Variants in SNRPC observed in about 807,000 individuals in gnomAD.
SNRPC encodes small nuclear ribonucleoprotein polypeptide C.
SNRPC carries 5 observed loss-of-function variants against 20.0 expected under a neutral mutation model. That is an observed-to-expected ratio of 0.25 (90% CI 0.13 to 0.53). SNRPC has a LOEUF of 0.53. Among genes scored for constraint, SNRPC ranks in the 20% least tolerant of loss-of-function variants. The probability of loss-of-function intolerance (pLI) is 0.96; values close to 1 mark genes in which losing one functional copy is unlikely to be tolerated. For missense variants in SNRPC, 112 were observed against 224.1 expected (o/e 0.50, Z 3.19); for synonymous variants, 61 against 58.7 (o/e 1.04, Z -0.18).
chr6:34,763,272 G>A (rs1764560964), intron 3 of SNRPC, among the ~76,000 whole-genome samples: 2 of 152,284 alleles, frequency 1.3e-5, no homozygotes, highest in African/African-American at 4.8e-5. Context: ...ACTAACAGAA[G>A]GAGATATTGC....
chr6:34,764,847 C>T (rs1374048291), intron 3 of SNRPC, among the ~76,000 whole-genome samples: 1 of 151,616 alleles, frequency 6.6e-6, no homozygotes, highest in East Asian at 1.9e-4. Context: ...CATCGAGAAA[C>T]CGTGTCTCTA....
Position 34,762,694 on chromosome 6 carries a change from G to T in SNRPC, c.151G>T (p.Asp51Tyr). The change falls in exon 3 of 6, where the codon GAC (aspartate) becomes TAC (tyrosine). Residue 51 changes from aspartate to tyrosine, a missense_variant. Asp to Tyr is a radical substitution (Grantham distance 160). Around this residue, in one of 3 missense-constraint regions of SNRPC, gnomAD observed 45 missense variants for 48.6 expected, o/e 0.93. Transcript: ENST00000244520. ...WMEEQAQSLIDKTTAAFQQGK... is the reference protein window; with the variant it reads ...WMEEQAQSLIYKTTAAFQQGK... ...GGAAGAGCAGGCTCAGAGCCTGATTGACAAAACAAGTATGTTTCAATCTCT... is the reference window on the plus strand; with the variant it reads ...GGAAGAGCAGGCTCAGAGCCTGATTTACAAAACAAGTATGTTTCAATCTCT... 3 of 1,498,314 alleles carry T rather than the reference G, an allele frequency of 2.0e-6. No individual in the cohort carries two copies. Among genetic ancestry groups the T allele is most frequent in the South Asian group, 2.3e-5 (2 of 88,460 alleles). 92.8% of individuals were successfully genotyped at this position (1,498,314 alleles called of 1,614,324 possible). A position where few individuals can be genotyped will look rare whatever the true frequency, so the allele number is the denominator to read the frequency against.
In SNRPC at chr6:34,770,331, G is replaced by T. The variant is rs754419821; in HGVS notation, c.291G>T (p.Met97Ile). ...PRPGMMPAPH[M>I]GGPPMMPMMG... Reference sequence around the variant, plus strand: ...CTGGTATGATGCCAGCACCCCATATGGGGGGCCCTCCCATGATGCCAATGA... The same window carrying T: ...CTGGTATGATGCCAGCACCCCATATTGGGGGCCCTCCCATGATGCCAATGA... Residue 97 changes from methionine (M) to isoleucine (I), a missense_variant, in exon 5 of 6, where the codon ATG becomes ATT. Around this residue, in one of 3 missense-constraint regions of SNRPC, gnomAD observed 57 missense variants for 121.0 expected, o/e 0.47. Coordinates refer to ENST00000244520, the MANE Select transcript of SNRPC (RefSeq NM_003093.3). The T allele has an allele frequency of 6.2e-6, 10 of 1,613,194 alleles. No homozygotes were observed. The highest frequency in any genetic ancestry group is 8.5e-6 in the Non-Finnish European group (10 of 1,179,300).
At position 34,767,941 on chromosome 6, in the gene SNRPC, C is replaced by A. The variant is rs1196506559; in HGVS notation, c.194C>A (p.Thr65Asn). 6.2e-7 allele frequency: 1 copy of A among 1,605,912 alleles called. No homozygotes were observed. Among genetic ancestry groups the A allele is most frequent in the Non-Finnish European group, 8.5e-7 (1 of 1,176,072 alleles). ...AAFQQGKIPP[T>N]PFSAPPPAGA... The stretch of plus-strand genomic sequence containing the variant: ...TTTCAACAAGGAAAGATACCTCCTA[C>A]TCCATTCTCTGCTCCTCCTCCTGCA... Residue 65 changes from threonine to asparagine, a missense_variant, in exon 4 of 6, where the codon ACT becomes AAT. Around this residue, in one of 3 missense-constraint regions of SNRPC, gnomAD observed 45 missense variants for 48.6 expected, o/e 0.93. Coordinates refer to ENST00000244520, the MANE Select transcript of SNRPC (RefSeq NM_003093.3).
At chr6:34,771,328 C>CAAAA (rs774284128) in intron 5 of SNRPC, among the ~76,000 whole-genome samples, 1 of 63,800 alleles carries the variant, frequency 1.6e-5, no homozygotes, top group Non-Finnish European at 3.6e-5. Context: ...GACTGTGTCT[C>CAAAA]AAAAAAAAAA....
Position 34,767,896 on chromosome 6 carries a change from C to CA in SNRPC, c.161-11dup. 1.4e-6 allele frequency: 2 copies of CA among 1,394,620 alleles called. No individual in the cohort carries two copies. The highest frequency in any genetic ancestry group is 1.8e-6 in the Non-Finnish European group (2 of 1,081,766). The allele number at this position is 1,394,620 out of a possible 1,614,324, so 86.4% of individuals were successfully genotyped here. A position where few individuals can be genotyped will look rare whatever the true frequency, so the allele number is the denominator to read the frequency against. ...TCATCTTTTTTTTTTTTTTTTTCCTCACCCTCCAAAGCGGCTGCATTTCAA... is the reference window on the plus strand; with the variant it reads ...TCATCTTTTTTTTTTTTTTTTTCCTCAACCCTCCAAAGCGGCTGCATTTCAA... On this transcript the variant is annotated splice_polypyrimidine_tract_variant and intron_variant, in intron 3 of 5. Coordinates refer to ENST00000244520, the MANE Select transcript of SNRPC (RefSeq NM_003093.3).
In SNRPC at chr6:34,767,807, A is replaced by C. The variant is rs1581592327; in HGVS notation, c.161-101A>C. 5 of 1,189,590 alleles carry C rather than the reference A, an allele frequency of 4.2e-6. No individual in the cohort carries two copies. In the South Asian group the frequency reaches 9.4e-5, roughly 22 times the overall value. 73.7% of individuals were successfully genotyped at this position (1,189,590 alleles called of 1,614,324 possible). On this transcript the variant is annotated intron_variant, in intron 3 of 5. Transcript: ENST00000244520. Reference sequence around the variant, plus strand: ...AGATGACAACTAGCAAGAGTAAAGTAATTGGAACCGTTGAAGACTTAAAGA... The same window carrying C: ...AGATGACAACTAGCAAGAGTAAAGTCATTGGAACCGTTGAAGACTTAAAGA...
intron 5 of SNRPC, among the ~76,000 whole-genome samples, chr6:34,771,303 TG>T (rs1274647745): frequency 1.5e-5 from 2 of 135,298 alleles, no homozygotes; most frequent in Non-Finnish European, 3.0e-5. Context: ...CACTCCAGCC[TG>T]GGTGACAGAG....
chr6:34,762,121 T>C (rs762051342), intron 2 of SNRPC, among the ~76,000 whole-genome samples: 3 of 152,070 alleles, frequency 2.0e-5, no homozygotes, highest in Non-Finnish European at 2.9e-5. Flanking sequence ...ATGGGCAACA[T>C]TGTGAGACGT....
At chr6:34,765,691 G>A (rs922498117) in intron 3 of SNRPC, among the ~76,000 whole-genome samples, 1 of 151,860 alleles carries the variant, frequency 6.6e-6, no homozygotes, top group Non-Finnish European at 1.5e-5. Context: ...ACCTGCTTCA[G>A]CCTCCCAAAG....
At chr6:34,761,606 C>T (rs908155235) in intron 2 of SNRPC, among the ~76,000 whole-genome samples, 4 of 148,760 alleles carry the variant, frequency 2.7e-5, no homozygotes, top group Non-Finnish European at 4.5e-5. Context: ...CTGCAAGCTC[C>T]GCCTCCTGGG....
chr6:34,773,686 G>C lies in SNRPC; in HGVS notation c.*116G>C. ...CAGCATAAGGAAGACTTGCTCCCCT[G>C]TCCTATGAAAGAGAATAGTTTTGGA... On this transcript the variant is annotated 3_prime_UTR_variant, in exon 6 of 6. Transcript: ENST00000244520. This position sits in a 1 kb window ranked among gnomAD's most constrained non-coding sequence, Gnocchi z 4.1. 1.2e-6 allele frequency: 1 copy of C among 855,160 alleles called. No homozygotes were observed. The highest frequency in any genetic ancestry group is 2.3e-5 in the South Asian group (1 of 43,618). The allele number at this position is 855,160 out of a possible 1,614,324, so 53.0% of individuals were successfully genotyped here. A position where few individuals can be genotyped will look rare whatever the true frequency, so the allele number is the denominator to read the frequency against.
At chr6:34,768,171 T>G in intron 4 of SNRPC, among the ~76,000 whole-genome samples, 174 bp downstream of exon 4, 1 of 152,156 alleles carries the variant, frequency 6.6e-6, no homozygotes, top group East Asian at 1.9e-4. Flanking sequence ...GAAAACAACT[T>G]TAGTGGTATA....
intron 4 of SNRPC, among the ~76,000 whole-genome samples, chr6:34,768,904 A>G (rs1764650918): frequency 6.6e-6 from 1 of 152,122 alleles, no homozygotes; most frequent in Non-Finnish European, 1.5e-5. Flanking sequence ...GTCGTACTGT[A>G]CTGTAGCTCT....
intron 3 of SNRPC, among the ~76,000 whole-genome samples, chr6:34,765,015 T>TG (rs1298314875): frequency 2.0e-5 from 3 of 151,890 alleles, no homozygotes; most frequent in Admixed American, 2.0e-4. Context: ...AGCGAGACTC[T>TG]GTCTGAAAAA....
At chr6:34,771,536 ATC>A (rs1275948804) in intron 5 of SNRPC, among the ~76,000 whole-genome samples, 1 of 152,128 alleles carries the variant, frequency 6.6e-6, no homozygotes, top group African/African-American at 2.4e-5. Context: ...GTGATAGTTT[ATC>A]TGAGTCTTCC....
In SNRPC at chr6:34,757,565, C is replaced by T. The variant is rs201535686; in HGVS notation, c.8+14C>T. The T allele has an allele frequency of 3.1e-6, 5 of 1,612,378 alleles. No individual in the cohort carries two copies. Among genetic ancestry groups the T allele is most frequent in the Non-Finnish European group, 4.2e-6 (5 of 1,178,510 alleles). ...CAACATGCCCAAGTGAGTGGGGCCC[C>T]GAAATCTGAGGGTGATCGTAGTCAC... On this transcript the variant is annotated intron_variant, in intron 1 of 5. Coordinates refer to ENST00000244520, the MANE Select transcript of SNRPC (RefSeq NM_003093.3).
Position 34,759,040 on chromosome 6 carries a change from A to G in SNRPC, c.51+1086A>G, listed in dbSNP as rs935045834. ...GTCTCAAAAAAAAAAAAAAAAAAAA[A>G]AAAAAGAAAAGAAAACCCACGTTAA... is the stretch of plus-strand genomic sequence containing the variant. On this transcript the variant is annotated intron_variant, in intron 2 of 5. Coordinates refer to ENST00000244520, the MANE Select transcript of SNRPC (RefSeq NM_003093.3). Among the ~76,000 whole-genome samples, 25 of 150,626 alleles carry G rather than the reference A, an allele frequency of 1.7e-4. No individual in the cohort carries two copies. In the East Asian group the frequency reaches 4.6e-3, roughly 28 times the overall value.
At position 34,766,467 on chromosome 6, in the gene SNRPC, A is replaced by T. The variant is rs554610930; in HGVS notation, c.161-1441A>T. Among the ~76,000 whole-genome samples, 335 of 152,286 alleles carry T rather than the reference A, an allele frequency of 2.2e-3. 1 individual carries two copies. Among genetic ancestry groups the T allele is most frequent in the African/African-American group, 7.0e-3 (291 of 41,586 alleles). On this transcript the variant is annotated intron_variant, in intron 3 of 5. Coordinates refer to ENST00000244520, the MANE Select transcript of SNRPC (RefSeq NM_003093.3). ...TCCTGCCTCAGCCTCCCAAAGTGCT[A>T]GGATTACAGGCAGGAGCCACTGCAC...
Sources: gnomAD v4.1 joint callset for allele counts (sites outside exome capture counted in the v4.1 genomes callset) on GRCh38, gnomAD v4.1.1 for gene constraint, gnomAD v4.1.1 regional missense constraint, Gnocchi (gnomAD v3.1) non-coding constraint, MANE v1.5 for transcripts, NCBI Gene and HGNC (gene_info 2026-07-23, HGNC 2026-07-21) for gene names.